OLFM4: variants seen among roughly 807,000 people sequenced by gnomAD.
The protein encoded by OLFM4 is olfactomedin 4.
In OLFM4, 22 loss-of-function variants were observed where a neutral mutation model predicts 25.5. The ratio of observed to expected loss-of-function variants is 0.86; its 90% CI spans 0.62 to 1.23. OLFM4 has a LOEUF of 1.23. Ranked by LOEUF, OLFM4 falls within the 50% of genes most tolerant of loss-of-function variation. OLFM4 has a pLI of 0.00. For missense variants in OLFM4, 594 were observed against 619.4 expected, an observed-to-expected ratio of 0.96 and a Z score of 0.44; for synonymous variants, 255 against 237.7, an observed-to-expected ratio of 1.07 and a Z score of -0.67.
At position 53,043,250 on chromosome 13, in the gene OLFM4, C is replaced by T. The variant is rs932555490; in HGVS notation, c.716C>T (p.Pro239Leu). 4 of 1,604,066 alleles carry T rather than the reference C, an allele frequency of 2.5e-6. No homozygotes were observed. Among genetic ancestry groups the T allele is most frequent in the Non-Finnish European group, 3.4e-6 (4 of 1,176,364 alleles). The change falls in exon 4 of 5, where the codon CCT (proline) becomes CTT (leucine). Residue 239 changes from proline (P) to leucine (L), a missense_variant. Coordinates refer to ENST00000219022, the MANE Select transcript of OLFM4 (RefSeq NM_006418.5). ...GATCAAAACACCCCTGTCGTCCACC[C>T]TCCTCCCACTCCAGGTAAGCATGCC... ...SKDQNTPVVHPPPTPGSCGHG... is the reference protein window; with the variant it reads ...SKDQNTPVVHLPPTPGSCGHG...
chr13:53,036,326 T>A (rs867247630), intron 2 of OLFM4, among the ~76,000 whole-genome samples: 16 of 152,308 alleles, frequency 1.1e-4, no homozygotes, highest in Middle Eastern at 3.4e-3. Context: ...CATAAAAACA[T>A]AACAAGTAGA....
chr13:53,039,796 T>C (rs1319013447), intron 2 of OLFM4, among the ~76,000 whole-genome samples: 3 of 152,206 alleles, frequency 2.0e-5, no homozygotes, highest in African/African-American at 7.2e-5. Flanking sequence ...GTACATCCAA[T>C]GGCAGTGAGC....
At chr13:53,029,856 C>T (rs931562950) in intron 1 of OLFM4, among the ~76,000 whole-genome samples, 1 of 152,162 alleles carries the variant, frequency 6.6e-6, no homozygotes, top group Non-Finnish European at 1.5e-5. Flanking sequence ...GATGAGTCCT[C>T]TTTGGATCTC....
intron 2 of OLFM4, among the ~76,000 whole-genome samples, chr13:53,034,785 CA>C (rs1954649157): frequency 6.6e-6 from 1 of 152,228 alleles, no homozygotes; most frequent in Non-Finnish European, 1.5e-5. Flanking sequence ...GCTCTCCTTG[CA>C]AACCCCAACC....
chr13:53,043,174 C>T lies in OLFM4; in HGVS notation c.640C>T (p.Arg214Ter), dbSNP rs34067666. ...CAAAAACAATGTCCTTGCCATTCGC[C>T]GAGAAATCGTGGCTCTGAAGACCAA... ...LDKNNVLAIR[R>*]EIVALKTKLK... Residue 214 changes from arginine (R) to a stop codon, truncating the protein, a stop_gained, in exon 4 of 5, where the codon CGA becomes TGA. Transcript: ENST00000219022. LOFTEE classifies it high-confidence loss of function. 0.014 allele frequency: 23,021 copies of T among 1,613,204 alleles called. 294 individuals carry two copies. Among genetic ancestry groups the T allele is most frequent in the Non-Finnish European group, 0.015 (17,765 of 1,179,544 alleles).
At chr13:53,029,133 G>A in intron 1 of OLFM4, 93 bp downstream of exon 1, 3 of 1,545,796 alleles carry the variant, frequency 1.9e-6, no homozygotes, top group Non-Finnish European at 2.6e-6. Flanking sequence ...GCTAGACCTG[G>A]GCACTCTAAA....
At chr13:53,030,133 CTT>C (rs1295081996) in intron 1 of OLFM4, among the ~76,000 whole-genome samples, 1 of 152,058 alleles carries the variant, frequency 6.6e-6, no homozygotes, top group South Asian at 2.1e-4. Context: ...GAGGAAAAGA[CTT>C]TTATTTGTTT....
At chr13:53,031,715 C>T (rs550343674) in intron 1 of OLFM4, among the ~76,000 whole-genome samples, 8 of 152,346 alleles carry the variant, frequency 5.3e-5, no homozygotes, top group Middle Eastern at 3.4e-3. Context: ...TCTTAATCAT[C>T]TCCCTAAAGC....
At chr13:53,041,431 C>T (rs540217519) in intron 2 of OLFM4, among the ~76,000 whole-genome samples, 1 of 152,068 alleles carries the variant, frequency 6.6e-6, no homozygotes, top group Non-Finnish European at 1.5e-5. Flanking sequence ...GATGAGAACA[C>T]ATGGACACAA....
At chr13:53,049,902 A>G (rs1371224844) in intron 4 of OLFM4, 67 bp from the exon 5 acceptor site, 2 of 1,443,950 alleles carry the variant, frequency 1.4e-6, no homozygotes, top group Non-Finnish European at 1.9e-6. Flanking sequence ...TGCTTAGGAT[A>G]TTAAACTATT....
intron 1 of OLFM4, 117 bp from the exon 2 acceptor site, chr13:53,034,231 T>C: frequency 1.1e-6 from 1 of 883,604 alleles, no homozygotes; most frequent in Non-Finnish European, 1.8e-6. Context: ...TTCATTTATG[T>C]ATTGGACTCC....
chr13:53,042,245 C>A (rs1954691908), intron 3 of OLFM4, 123 bp downstream of exon 3: 2 of 795,778 alleles, frequency 2.5e-6, no homozygotes, highest in Non-Finnish European at 4.1e-6. Context: ...TGTCTCATGG[C>A]CACATGGCAT....
chr13:53,051,023 T>C lies in OLFM4; in HGVS notation c.*252T>C. 1 of 414,170 alleles carries C rather than the reference T, an allele frequency of 2.4e-6. No individual in the cohort carries two copies. The highest frequency in any genetic ancestry group is 4.2e-6 in the Non-Finnish European group (1 of 235,644). The allele number at this position is 414,170 out of a possible 1,614,324, so 25.7% of individuals were successfully genotyped here. ...GGGATTGTCAGAGGTCTAGGGGCACTGTGGGCCTAGTGAAGCCTACTGTGA... is the reference window on the plus strand; with the variant it reads ...GGGATTGTCAGAGGTCTAGGGGCACCGTGGGCCTAGTGAAGCCTACTGTGA... On this transcript the variant is annotated 3_prime_UTR_variant, in exon 5 of 5. Coordinates refer to ENST00000219022, the MANE Select transcript of OLFM4 (RefSeq NM_006418.5).
intron 2 of OLFM4, among the ~76,000 whole-genome samples, chr13:53,038,682 C>T (rs1954672005): frequency 6.6e-6 from 1 of 152,146 alleles, no homozygotes; most frequent in South Asian, 2.1e-4. Context: ...AGAAAGTGCC[C>T]CAAGTGCCAG....
chr13:53,034,388 C>T lies in OLFM4; in HGVS notation c.245C>T (p.Thr82Ile), dbSNP rs376452951. Reference sequence around the variant, plus strand: ...ACCGGCTCCGTGGATGACCGTGGGACCTGCCAGTGCTCTGTTTCCCTGCCA... The same window carrying T: ...ACCGGCTCCGTGGATGACCGTGGGATCTGCCAGTGCTCTGTTTCCCTGCCA... ...NFTGSVDDRG[T>I]CQCSVSLPDT... is the part of the protein sequence containing the mutation. The change falls in exon 2 of 5, where the codon ACC (threonine) becomes ATC (isoleucine). Residue 82 changes from threonine to isoleucine, a missense_variant. Physicochemically the swap from Thr to Ile is moderately conservative, Grantham distance 89. Coordinates refer to ENST00000219022, the MANE Select transcript of OLFM4 (RefSeq NM_006418.5). 31 of 1,614,016 alleles carry T rather than the reference C, an allele frequency of 1.9e-5. 1 individual carries two copies. The South Asian group carries it at 3.2e-4, about 17-fold the overall frequency.
chr13:53,030,138 A>T (rs1334882015), intron 1 of OLFM4, among the ~76,000 whole-genome samples: 1 of 152,116 alleles, frequency 6.6e-6, no homozygotes, highest in Non-Finnish European at 1.5e-5. Flanking sequence ...AAAGACTTTT[A>T]TTTGTTTTAT....
intron 2 of OLFM4, among the ~76,000 whole-genome samples, chr13:53,036,295 A>C (rs903283642): frequency 6.6e-6 from 1 of 152,372 alleles, no homozygotes; most frequent in African/African-American, 2.4e-5. Context: ...CAGCATAATC[A>C]AGTACAGATA....
At chr13:53,031,604 C>A (rs779540742) in intron 1 of OLFM4, among the ~76,000 whole-genome samples, 1 of 152,172 alleles carries the variant, frequency 6.6e-6, no homozygotes, top group Non-Finnish European at 1.5e-5. Context: ...GGAACTGCAA[C>A]GAGTCACGTG....
intron 1 of OLFM4, 115 bp downstream of exon 1, chr13:53,029,155 T>C (rs1954614830): frequency 1.4e-6 from 2 of 1,464,984 alleles, no homozygotes; most frequent in Non-Finnish European, 1.8e-6. Flanking sequence ...GATTTACGAC[T>C]CATTTTGTTA....
Sources: allele counts gnomAD v4.1 joint callset (sites outside exome capture counted in the v4.1 genomes callset), GRCh38; gene constraint gnomAD v4.1.1; transcripts MANE v1.5; gene names NCBI Gene and HGNC (gene_info 2026-07-23, HGNC 2026-07-21).